The following TXNRD1 variants were observed in gnomAD, a reference collection of about 807,000 sequenced individuals.
TXNRD1 encodes the protein thioredoxin reductase 1.
Under a neutral mutation model 80.3 loss-of-function variants are expected in TXNRD1, and 57 were observed. That is an observed-to-expected ratio of 0.71 (90% CI 0.57 to 0.89). The LOEUF (loss-of-function observed/expected upper bound fraction) is 0.89. Among genes scored for constraint, TXNRD1 ranks in the 40% least tolerant of loss-of-function variants. The pLI, the probability that TXNRD1 is intolerant of heterozygous loss-of-function variation, is 0.00. For synonymous variants in TXNRD1, 291 were observed against 285.2 expected (o/e 1.02, Z -0.20); for missense variants, 730 against 803.0 (o/e 0.91, Z 1.10).
intron 3 of TXNRD1, chr12:104,287,516 A>G (rs982001901): frequency 1.3e-6 from 2 of 1,595,552 alleles, no homozygotes; most frequent in Non-Finnish European, 8.5e-7. Flanking sequence ...TGAGAATATT[A>G]AGAAAGTATA....
At chr12:104,268,240 G>A (rs577250029) in intron 3 of TXNRD1, among the ~76,000 whole-genome samples, 114 of 150,728 alleles carry the variant, frequency 7.6e-4, no homozygotes, top group Admixed American at 3.5e-3. Context: ...GGCTGGGTGC[G>A]GTGGCTCACG....
intron 3 of TXNRD1, 48 bp from the exon 4 acceptor site, chr12:104,288,883 C>T (rs781546167): frequency 1.4e-5 from 23 of 1,613,368 alleles, no homozygotes; most frequent in Non-Finnish European, 1.9e-5. Context: ...CGCCTGTTAG[C>T]GGGGGAGAAG....
At chr12:104,227,468 T>C (rs2032498383) in intron 1 of TXNRD1, among the ~76,000 whole-genome samples, 1 of 152,170 alleles carries the variant, frequency 6.6e-6, no homozygotes, top group East Asian at 1.9e-4. Flanking sequence ...AGTCTTCTTA[T>C]GATGGCCAGG....
intron 3 of TXNRD1, among the ~76,000 whole-genome samples, chr12:104,266,524 C>A (rs1364286017): frequency 1.3e-3 from 140 of 111,430 alleles, no homozygotes; most frequent in Middle Eastern, 4.8e-3. Context: ...GAATTCATCT[C>A]AAAAAAAAAA....
chr12:104,265,470 G>A (rs1421290332), intron 3 of TXNRD1: 2 of 1,607,822 alleles, frequency 1.2e-6, no homozygotes, highest in African/African-American at 2.7e-5. Context: ...TAAAGAAGAT[G>A]AAGAAGTCTT....
In TXNRD1 at chr12:104,288,925, A is replaced by G. The variant is rs1436730221; in HGVS notation, c.305-6A>G. ...ACACGCTCCGCTCTGCTTTTGTGCCACACAGAGGACGGTCGGGCCCTGGAA... is the reference window on the plus strand; with the variant it reads ...ACACGCTCCGCTCTGCTTTTGTGCCGCACAGAGGACGGTCGGGCCCTGGAA... On this transcript the variant is annotated splice_region_variant and splice_polypyrimidine_tract_variant and intron_variant, in intron 3 of 16. Transcript: ENST00000525566. 4 of 1,613,922 alleles carry G rather than the reference A, an allele frequency of 2.5e-6. No homozygotes were observed. In the African/African-American group the frequency reaches 4.0e-5, roughly 16 times the overall value.
intron 4 of TXNRD1, among the ~76,000 whole-genome samples, chr12:104,306,390 G>A: frequency 6.6e-6 from 1 of 152,310 alleles, no homozygotes; most frequent in Non-Finnish European, 1.5e-5. Flanking sequence ...AGAAGGTGCA[G>A]TAAGCATACC....
intron 2 of TXNRD1, among the ~76,000 whole-genome samples, chr12:104,256,860 A>G (rs2033262934): frequency 6.6e-6 from 1 of 151,738 alleles, no homozygotes; most frequent in African/African-American, 2.4e-5. Context: ...CCATTTTATC[A>G]AAATGTTGAA....
intron 4 of TXNRD1, among the ~76,000 whole-genome samples, chr12:104,296,206 A>T (rs1302087219): frequency 6.6e-6 from 1 of 152,146 alleles, no homozygotes; most frequent in East Asian, 1.9e-4. Context: ...GTCCTTGATG[A>T]GATGCTGTGG....
intron 4 of TXNRD1, among the ~76,000 whole-genome samples, chr12:104,301,312 TGTTAGA>T (rs1242732020): frequency 6.6e-6 from 1 of 152,154 alleles, no homozygotes; most frequent in Non-Finnish European, 1.5e-5. Context: ...TTGGCTTATC[TGTTAGA>T]GTTCTTTTGT....
intron 13 of TXNRD1, among the ~76,000 whole-genome samples, chr12:104,330,277 C>CT (rs1371668237): frequency 6.6e-6 from 1 of 152,132 alleles, no homozygotes; most frequent in Non-Finnish European, 1.5e-5. Context: ...AACTGCTAGG[C>CT]TTTTACCAGA....
At chr12:104,309,602 A>G (rs1461037447) in intron 4 of TXNRD1, among the ~76,000 whole-genome samples, 1 of 152,120 alleles carries the variant, frequency 6.6e-6, no homozygotes, top group Non-Finnish European at 1.5e-5. Flanking sequence ...ATTGTATGTT[A>G]TTTTTCCAGC....
chr12:104,246,605 C>T (rs980995546), intron 1 of TXNRD1, among the ~76,000 whole-genome samples: 6 of 150,272 alleles, frequency 4.0e-5, no homozygotes, highest in African/African-American at 1.2e-4. Context: ...TCACTGCAAC[C>T]TCTGCCTCCC....
intron 4 of TXNRD1, 24 bp from the exon 5 acceptor site, chr12:104,311,266 T>G: frequency 6.5e-7 from 1 of 1,544,626 alleles, no homozygotes. Flanking sequence ...TTAAATTATT[T>G]TCTCTTCTGT....
Position 104,348,665 on chromosome 12 carries a change from C to G in TXNRD1, c.*244C>G, listed in dbSNP as rs34240874. On this transcript the variant is annotated 3_prime_UTR_variant, in exon 17 of 17. Coordinates refer to ENST00000525566, the MANE Select transcript of TXNRD1 (RefSeq NM_001093771.3). ...TGGCAGGGCATCGAAGGGATGCATCCATGAAGTCACCAGTCTCAAGCCCAT... is the reference window on the plus strand; with the variant it reads ...TGGCAGGGCATCGAAGGGATGCATCGATGAAGTCACCAGTCTCAAGCCCAT... The G allele has an allele frequency of 4.5e-4, 225 of 505,042 alleles. 1 individual carries two copies. The East Asian group carries it at 7.2e-3, about 16-fold the overall frequency. The allele number at this position is 505,042 out of a possible 1,614,324, so 31.3% of individuals were successfully genotyped here.
chr12:104,252,235 C>A (rs192692184), intron 2 of TXNRD1, among the ~76,000 whole-genome samples: 41 of 152,030 alleles, frequency 2.7e-4, no homozygotes, highest in African/African-American at 8.9e-4. Context: ...GGGGGAGTTA[C>A]CAAACCGGTT....
At chr12:104,228,215 T>C (rs1254542854) in intron 1 of TXNRD1, among the ~76,000 whole-genome samples, 1 of 145,158 alleles carries the variant, frequency 6.9e-6, no homozygotes, top group African/African-American at 2.6e-5. Flanking sequence ...GGCAGGAGAA[T>C]CACCTGAACC....
At chr12:104,297,451 C>T (rs530588161) in intron 4 of TXNRD1, among the ~76,000 whole-genome samples, 3 of 151,974 alleles carry the variant, frequency 2.0e-5, no homozygotes, top group South Asian at 4.2e-4. Context: ...CTGCAATCTC[C>T]GCCTCCTGAG....
chr12:104,222,855 A>C (rs2032385010), intron 1 of TXNRD1, among the ~76,000 whole-genome samples: 1 of 152,160 alleles, frequency 6.6e-6, no homozygotes, highest in Non-Finnish European at 1.5e-5. Context: ...TGTCTCAAAA[A>C]ACAAACAAAC....
Sources: allele counts gnomAD v4.1 joint callset (sites outside exome capture counted in the v4.1 genomes callset), GRCh38; gene constraint gnomAD v4.1.1; transcripts MANE v1.5; gene names NCBI Gene and HGNC (gene_info 2026-07-23, HGNC 2026-07-21).